NMU: variants seen among roughly 807,000 people sequenced by gnomAD.
NMU encodes the protein neuromedin-U.
Under a neutral mutation model 35.4 loss-of-function variants are expected in NMU, and 29 were observed. The observed-to-expected ratio is 0.82, with a 90% CI of 0.61 to 1.12. The LOEUF is 1.12. NMU is among the 50% of genes most tolerant of loss of function. The pLI is 0.00. For missense variants in NMU, 199 were observed against 206.2 expected (o/e 0.97, Z 0.21); for synonymous variants, 78 against 81.3 (o/e 0.96, Z 0.22).
At chr4:55,628,643 C>A (rs1734635041) in intron 2 of NMU, among the ~76,000 whole-genome samples, 2 of 151,752 alleles carry the variant, frequency 1.3e-5, no homozygotes, top group East Asian at 3.9e-4. Context: ...GGATTACAGG[C>A]ACCATGCCCG....
At chr4:55,596,377 T>C (rs1247027124) in intron 9 of NMU, among the ~76,000 whole-genome samples, 1 of 149,520 alleles carries the variant, frequency 6.7e-6, no homozygotes, top group Non-Finnish European at 1.5e-5. Flanking sequence ...TTTTTTTTTT[T>C]ACTAAATTCA....
At chr4:55,631,680 A>T (rs1342602447) in intron 1 of NMU, among the ~76,000 whole-genome samples, 1 of 152,244 alleles carries the variant, frequency 6.6e-6, no homozygotes, top group Admixed American at 6.5e-5. Flanking sequence ...GTTGGCATGG[A>T]TGTGTAAAAA....
rs143507505 is a variant in NMU, at chr4:55,600,280, T to C, written c.489+242A>G. On this transcript the variant is annotated intron_variant, in intron 8 of 9. Transcript: ENST00000264218. ...AATGTCATGGAATTAAAGTGTCAAA[T>C]AGGTGAATGCTATTTGAGGTGTTTA... is the stretch of plus-strand genomic sequence containing the variant. 5.3e-3 allele frequency among the ~76,000 whole-genome samples: 811 copies of C among 152,202 alleles called. 5 individuals carry two copies. Among genetic ancestry groups the C allele is most frequent in the Non-Finnish European group, 8.9e-3 (604 of 67,986 alleles).
intron 7 of NMU, among the ~76,000 whole-genome samples, chr4:55,603,926 A>T (rs368328811): frequency 0.3 from 13,230 of 43,452 alleles, 2,387 homozygotes; most frequent in Admixed American, 0.39. Flanking sequence ...AAAAAAAAAA[A>T]ATATATATAT....
intron 7 of NMU, among the ~76,000 whole-genome samples, chr4:55,604,142 T>C: frequency 6.8e-6 from 1 of 147,906 alleles, no homozygotes; most frequent in Non-Finnish European, 1.5e-5. Context: ...TTCAGCTCAC[T>C]GCAACCTCTG....
At chr4:55,601,953 C>T (rs112327725) in intron 7 of NMU, among the ~76,000 whole-genome samples, 56 of 152,016 alleles carry the variant, frequency 3.7e-4, no homozygotes, top group African/African-American at 1.3e-3. Flanking sequence ...GCCATGATCA[C>T]GTCACTGCAC....
chr4:55,605,710 C>G (rs1479975821), intron 6 of NMU, among the ~76,000 whole-genome samples: 1 of 152,204 alleles, frequency 6.6e-6, no homozygotes, highest in Non-Finnish European at 1.5e-5. Context: ...TAATTCGGAC[C>G]AGGCGAAACC....
chr4:55,636,499 C>T, upstream of NMU: 1 of 353,016 alleles, frequency 2.8e-6, no homozygotes, highest in Non-Finnish European at 5.0e-6. This position sits in a 1 kb window ranked among gnomAD's most constrained non-coding sequence, Gnocchi z 4.0. Context: ...CGCATTTTCG[C>T]TCTGGGATAA....
chr4:55,600,367 A>C (rs1733374196), intron 8 of NMU, among the ~76,000 whole-genome samples, 155 bp downstream of exon 8: 1 of 152,178 alleles, frequency 6.6e-6, no homozygotes, highest in Admixed American at 6.5e-5. Flanking sequence ...TTGAAGCAAT[A>C]AGGTGGTGAC....
rs752347021 is a variant in NMU, at chr4:55,604,014, T to TAC, written c.435+1260_435+1261insGT. Reference sequence around the variant, plus strand: ...ATATATATACGTATATATGTATATATGTGTATATATATAATCCTAGAAATT... The same window carrying TAC: ...ATATATATACGTATATATGTATATATACGTGTATATATATAATCCTAGAAATT... On this transcript the variant is annotated intron_variant, in intron 7 of 9. Transcript: ENST00000264218. 3.4e-5 allele frequency among the ~76,000 whole-genome samples: 3 copies of TAC among 88,052 alleles called. 1 individual carries two copies. Among genetic ancestry groups the TAC allele is most frequent in the Non-Finnish European group, 8.3e-5 (3 of 36,346 alleles). The allele number at this position is 88,052 out of a possible 152,430, so 57.8% of individuals were successfully genotyped here. A position where few individuals can be genotyped will look rare whatever the true frequency, so the allele number is the denominator to read the frequency against.
rs767568542 is a variant in NMU at position 55,604,679 on chromosome 4, A to ATTTTTTTTTTTTTTTTTTTTT, written c.435+575_435+595dup. Among the ~76,000 whole-genome samples, 46 of 47,616 alleles carry ATTTTTTTTTTTTTTTTTTTTT rather than the reference A, an allele frequency of 9.7e-4. 3 individuals are homozygous for ATTTTTTTTTTTTTTTTTTTTT. Among genetic ancestry groups the ATTTTTTTTTTTTTTTTTTTTT allele is most frequent in the African/African-American group, 2.2e-3 (19 of 8,584 alleles). 31.2% of individuals were successfully genotyped at this position (47,616 alleles called of 152,430 possible). A position where few individuals can be genotyped will look rare whatever the true frequency, so the allele number is the denominator to read the frequency against. On this transcript the variant is annotated intron_variant, in intron 7 of 9. Transcript: ENST00000264218. ...AGGCATGCGCCAATATGCCTGGCTA[A>ATTTTTTTTTTTTTTTTTTTTT]TTTTTTTTTTTTTTTTTTTTTTTTT...
At chr4:55,598,416 C>A (rs1733290062) in intron 9 of NMU, among the ~76,000 whole-genome samples, 1 of 152,108 alleles carries the variant, frequency 6.6e-6, no homozygotes, top group Non-Finnish European at 1.5e-5. Context: ...AGCATAAAAT[C>A]TGGATTTAGG....
chr4:55,609,480 A>C (rs1346122345), intron 3 of NMU, among the ~76,000 whole-genome samples: 1 of 152,190 alleles, frequency 6.6e-6, no homozygotes, highest in African/African-American at 2.4e-5. Context: ...AATATTATGA[A>C]ATTCTATGAC....
At chr4:55,616,936 A>T (rs758835076) in intron 2 of NMU, among the ~76,000 whole-genome samples, 10 of 152,188 alleles carry the variant, frequency 6.6e-5, no homozygotes, top group Non-Finnish European at 1.3e-4. Flanking sequence ...TTGGCAACTA[A>T]CTATTTTCAG....
At chr4:55,597,736 T>C (rs1324149366) in intron 9 of NMU, among the ~76,000 whole-genome samples, 1 of 152,182 alleles carries the variant, frequency 6.6e-6, no homozygotes, top group Admixed American at 6.5e-5. Flanking sequence ...GTGTTTTTCT[T>C]TCTTCTGAGG....
intron 2 of NMU, among the ~76,000 whole-genome samples, chr4:55,619,848 TC>T (rs1205217349): frequency 7.3e-6 from 1 of 136,636 alleles, no homozygotes; most frequent in East Asian, 2.2e-4. Context: ...CTCAAGTGGG[TC>T]CCTGACCCCT....
At chr4:55,612,967 A>G (rs10029142) in intron 3 of NMU, among the ~76,000 whole-genome samples, 34,568 of 152,086 alleles carry the variant, frequency 0.23, 4,254 homozygotes, top group South Asian at 0.27. Context: ...CGAATACTAC[A>G]CAGCCATAAA....
At chr4:55,602,531 G>A (rs903025931) in intron 7 of NMU, among the ~76,000 whole-genome samples, 2 of 152,162 alleles carry the variant, frequency 1.3e-5, no homozygotes, top group Non-Finnish European at 2.9e-5. Flanking sequence ...ATTAGCTTTG[G>A]TTTTGTAAAT....
intron 6 of NMU, among the ~76,000 whole-genome samples, chr4:55,606,961 A>C (rs1178054185): frequency 6.6e-6 from 1 of 152,104 alleles, no homozygotes; most frequent in Admixed American, 6.5e-5. Context: ...TACAGGCATG[A>C]GCCACCATAC....
Sources: gnomAD v4.1 joint callset for allele counts (sites outside exome capture counted in the v4.1 genomes callset) on GRCh38, gnomAD v4.1.1 for gene constraint, Gnocchi (gnomAD v3.1) non-coding constraint, MANE v1.5 for transcripts, NCBI Gene and HGNC (gene_info 2026-07-23, HGNC 2026-07-21) for gene names.